Variants in SLC13A1 observed in about 807,000 individuals in gnomAD.
The protein encoded by SLC13A1 is solute carrier family 13 member 1.
SLC13A1 carries 65 observed loss-of-function variants against 70.0 expected under a neutral mutation model. The observed-to-expected ratio is 0.93, with a 90% CI of 0.76 to 1.14. The LOEUF is 1.14. SLC13A1 is among the 50% of genes most tolerant of loss of function. The pLI, the probability that SLC13A1 is intolerant of heterozygous loss-of-function variation, is 0.00. For synonymous variants in SLC13A1, 275 were observed against 250.5 expected, an observed-to-expected ratio of 1.10 and a Z score of -0.92; for missense variants, 726 against 717.8, an observed-to-expected ratio of 1.01 and a Z score of -0.13.
chr7:123,121,372 T>A lies in SLC13A1; in HGVS notation c.1350+1754A>T, dbSNP rs538435744. Among the ~76,000 whole-genome samples, 13 of 152,242 alleles carry A rather than the reference T, an allele frequency of 8.5e-5. 1 individual carries two copies. The East Asian group carries it at 2.1e-3, about 25-fold the overall frequency. ...AGCATGTTTCTTGTTGGCTCTTCATTTTGCCAGCCTATATGTTTCATATTT... is the reference window on the plus strand; with the variant it reads ...AGCATGTTTCTTGTTGGCTCTTCATATTGCCAGCCTATATGTTTCATATTT... On this transcript the variant is annotated intron_variant, in intron 12 of 14. Transcript: ENST00000194130.
chr7:123,150,107 A>G (rs1337235050), intron 6 of SLC13A1, among the ~76,000 whole-genome samples: 3 of 152,192 alleles, frequency 2.0e-5, no homozygotes, highest in Non-Finnish European at 4.4e-5. Context: ...CAGTGCTGTA[A>G]TGATGTTGCT....
intron 8 of SLC13A1, among the ~76,000 whole-genome samples, chr7:123,130,946 G>A (rs533052395): frequency 6.6e-6 from 1 of 152,192 alleles, no homozygotes; most frequent in Admixed American, 6.5e-5. Flanking sequence ...TACTGTTCTA[G>A]ATGGAGACTT....
chr7:123,149,887 G>C (rs1225732675), intron 6 of SLC13A1, among the ~76,000 whole-genome samples: 1 of 151,772 alleles, frequency 6.6e-6, no homozygotes, highest in African/African-American at 2.4e-5. Flanking sequence ...AGATTCCATG[G>C]TACACCATTT....
At chr7:123,154,626 C>A (rs1467531677) in intron 6 of SLC13A1, among the ~76,000 whole-genome samples, 1 of 152,062 alleles carries the variant, frequency 6.6e-6, no homozygotes, top group Non-Finnish European at 1.5e-5. Context: ...ACTTTTCCTG[C>A]CCCTTCTGTA....
At chr7:123,196,483 T>G (rs1796188114) in intron 1 of SLC13A1, among the ~76,000 whole-genome samples, 1 of 152,034 alleles carries the variant, frequency 6.6e-6, no homozygotes, top group Non-Finnish European at 1.5e-5. Flanking sequence ...GAAAAATCTG[T>G]GTAGCCAGAT....
chr7:123,178,523 C>A (rs1375545821), intron 2 of SLC13A1, among the ~76,000 whole-genome samples: 1 of 152,074 alleles, frequency 6.6e-6, no homozygotes, highest in Non-Finnish European at 1.5e-5. Flanking sequence ...ATCATGACAA[C>A]AATGGGTTGT....
chr7:123,159,186 C>A (rs10258768), intron 6 of SLC13A1, among the ~76,000 whole-genome samples: 85,360 of 151,944 alleles, frequency 0.56, 24,050 homozygotes, highest in East Asian at 0.64. Flanking sequence ...AATGGATTAT[C>A]TTTAAATGTT....
intron 6 of SLC13A1, among the ~76,000 whole-genome samples, chr7:123,148,180 A>C (rs1794428832): frequency 6.6e-6 from 1 of 152,070 alleles, no homozygotes; most frequent in Non-Finnish European, 1.5e-5. Flanking sequence ...TTCTCTCCCC[A>C]TTCCTTTGAC....
At chr7:123,190,069 C>G (rs1391389319) in intron 1 of SLC13A1, among the ~76,000 whole-genome samples, 1 of 152,028 alleles carries the variant, frequency 6.6e-6, no homozygotes, top group African/African-American at 2.4e-5. Flanking sequence ...TAAAGATATC[C>G]TTTTATATTC....
At chr7:123,135,362 T>A (rs1793917538) in intron 7 of SLC13A1, among the ~76,000 whole-genome samples, 1 of 152,290 alleles carries the variant, frequency 6.6e-6, no homozygotes, top group South Asian at 2.1e-4. Context: ...ATATAGTCAT[T>A]TATTTTATTA....
intron 2 of SLC13A1, among the ~76,000 whole-genome samples, chr7:123,175,173 A>G (rs1479784886): frequency 6.6e-6 from 1 of 152,044 alleles, no homozygotes; most frequent in African/African-American, 2.4e-5. Flanking sequence ...AGAGCTTACA[A>G]GCTATTAGAT....
chr7:123,156,491 G>A (rs945292269), intron 6 of SLC13A1, among the ~76,000 whole-genome samples: 1 of 152,142 alleles, frequency 6.6e-6, no homozygotes, highest in Non-Finnish European at 1.5e-5. Flanking sequence ...GGGAACAGGA[G>A]AGTGGAAGTT....
At chr7:123,159,369 C>A (rs1794811690) in intron 6 of SLC13A1, among the ~76,000 whole-genome samples, 1 of 152,110 alleles carries the variant, frequency 6.6e-6, no homozygotes, top group African/African-American at 2.4e-5. Context: ...GTAAAAAGAG[C>A]AAAAGGGACC....
At chr7:123,186,524 C>T (rs1350985160) in intron 1 of SLC13A1, among the ~76,000 whole-genome samples, 1 of 152,032 alleles carries the variant, frequency 6.6e-6, no homozygotes, top group Non-Finnish European at 1.5e-5. Context: ...TTTTTCTTCA[C>T]CTTAACAGAC....
chr7:123,190,625 T>G (rs769752895), intron 1 of SLC13A1: 1 of 456,672 alleles, frequency 2.2e-6, no homozygotes, highest in East Asian at 7.0e-5. Flanking sequence ...TGTTGAGCAT[T>G]AGAATAAGCT....
chr7:123,120,964 C>A (rs566748068), intron 12 of SLC13A1, among the ~76,000 whole-genome samples: 78 of 152,154 alleles, frequency 5.1e-4, no homozygotes, highest in Non-Finnish European at 1.1e-3. Flanking sequence ...CTCAGTAGCT[C>A]TCTCAGTCCA....
intron 7 of SLC13A1, among the ~76,000 whole-genome samples, chr7:123,146,038 T>TTTTAGTAGAACCTGGTTC (rs1554546998): frequency 4.6e-5 from 7 of 152,202 alleles, no homozygotes; most frequent in Non-Finnish European, 1.0e-4. Context: ...TTATCTGTTC[T>TTTTAGTAGAACCTGGTTC]TTTAGTAGAA....
chr7:123,117,313 A>T lies in SLC13A1; in HGVS notation c.1650+158T>A, dbSNP rs934461475. On this transcript the variant is annotated intron_variant, in intron 14 of 14. Transcript: ENST00000194130. ...TCACTTCTGATAATCACTCTTAAAA[A>T]CAATTTTGTGATTAGTCATGCACAC... is the stretch of plus-strand genomic sequence containing the variant. Among the ~76,000 whole-genome samples, 3 of 152,244 alleles carry T rather than the reference A, an allele frequency of 2.0e-5. No homozygotes were observed. In the East Asian group the frequency reaches 5.8e-4, roughly 29 times the overall value.
chr7:123,185,224 A>T (rs1226870105), intron 1 of SLC13A1, among the ~76,000 whole-genome samples: 1 of 152,094 alleles, frequency 6.6e-6, no homozygotes, highest in Admixed American at 6.6e-5. Context: ...ATTTTATCCT[A>T]TTCTATAGGT....
Sources: gnomAD v4.1 joint callset for allele counts (sites outside exome capture counted in the v4.1 genomes callset) on GRCh38, gnomAD v4.1.1 for gene constraint, MANE v1.5 for transcripts, NCBI Gene and HGNC (gene_info 2026-07-23, HGNC 2026-07-21) for gene names.